The following COL14A1 variants were observed in gnomAD, a reference collection of about 807,000 sequenced individuals.
COL14A1 encodes the protein collagen alpha-1(XIV) chain.
In COL14A1, 136 loss-of-function variants were observed where a neutral mutation model predicts 230.3. The ratio of observed to expected loss-of-function variants is 0.59; its 90% CI spans 0.51 to 0.68. The LOEUF is 0.68. Among genes scored for constraint, COL14A1 ranks in the 30% least tolerant of loss-of-function variants. The probability of loss-of-function intolerance (pLI) is 0.00; values close to 1 mark genes in which losing one functional copy is unlikely to be tolerated. For missense variants in COL14A1, 1,976 were observed against 2,215.8 expected (o/e 0.89, Z 2.17); for synonymous variants, 792 against 784.1 (o/e 1.01, Z -0.17).
At chr8:120,292,453 T>C (rs1198863952) in intron 34 of COL14A1, among the ~76,000 whole-genome samples, 1 of 152,152 alleles carries the variant, frequency 6.6e-6, no homozygotes, top group Admixed American at 6.5e-5. Context: ...AGATTTTCAG[T>C]CTGCCCACTT....
intron 6 of COL14A1, 134 bp from the exon 7 acceptor site, chr8:120,197,677 G>A: frequency 2.5e-6 from 2 of 812,106 alleles, no homozygotes; most frequent in Non-Finnish European, 3.7e-6. Context: ...AAATCTTTTT[G>A]AAAATTTATA....
Position 120,372,199 on chromosome 8 carries a change from GA to G in COL14A1, c.*972del, listed in dbSNP as rs1296360401. Among the ~76,000 whole-genome samples the G allele has an allele frequency of 1.3e-5, 2 of 152,164 alleles. No homozygotes were observed. Among genetic ancestry groups the G allele is most frequent in the Non-Finnish European group, 2.9e-5 (2 of 68,034 alleles). On this transcript the variant is annotated 3_prime_UTR_variant, in exon 48 of 48. Coordinates refer to ENST00000297848, the MANE Select transcript of COL14A1 (RefSeq NM_021110.4). ...TCATTCATTCATTCTGAGTGCAGTA[GA>G]AAACAGAAGAAGCAGTTAACTTGGG...
At chr8:120,296,805 G>A in intron 34 of COL14A1, among the ~76,000 whole-genome samples, 1 of 151,912 alleles carries the variant, frequency 6.6e-6, no homozygotes, top group East Asian at 1.9e-4. Flanking sequence ...CATGATCAAT[G>A]GCTTAAATAA....
intron 19 of COL14A1, among the ~76,000 whole-genome samples, chr8:120,242,859 C>A (rs1329063518): frequency 6.6e-6 from 1 of 152,196 alleles, no homozygotes; most frequent in East Asian, 1.9e-4. Flanking sequence ...TCGAGGCTTT[C>A]TAGGGCTTAT....
chr8:120,213,275 A>G (rs1817662870), intron 13 of COL14A1, among the ~76,000 whole-genome samples: 2 of 152,144 alleles, frequency 1.3e-5, no homozygotes, highest in African/African-American at 4.8e-5. Flanking sequence ...TACTGATAAT[A>G]CTTACCACAT....
intron 1 of COL14A1, among the ~76,000 whole-genome samples, chr8:120,128,626 T>C (rs1461129520): frequency 6.6e-6 from 1 of 152,142 alleles, no homozygotes; most frequent in Non-Finnish European, 1.5e-5. Context: ...TCCTAGATAC[T>C]TGGGAGGCTG....
chr8:120,348,952 C>T (rs917941973), intron 45 of COL14A1, among the ~76,000 whole-genome samples: 40 of 152,146 alleles, frequency 2.6e-4, no homozygotes, highest in Non-Finnish European at 1.0e-4. Context: ...GGTTTCATTA[C>T]CTTAGTTTGA....
At chr8:120,315,655 T>A in intron 39 of COL14A1, 69 bp downstream of exon 39, 1 of 1,298,674 alleles carries the variant, frequency 7.7e-7, no homozygotes, top group South Asian at 1.2e-5. Context: ...AAAAAAGCTG[T>A]AGCTTCTGAA....
intron 5 of COL14A1, among the ~76,000 whole-genome samples, chr8:120,189,992 A>G (rs1462232565): frequency 6.6e-6 from 1 of 150,974 alleles, no homozygotes; most frequent in Non-Finnish European, 1.5e-5. Context: ...TCCTTTGGGT[A>G]TATACCCAGT....
chr8:120,193,805 G>C (rs944935995), intron 5 of COL14A1, among the ~76,000 whole-genome samples: 6 of 152,172 alleles, frequency 3.9e-5, no homozygotes, highest in Admixed American at 2.0e-4. Context: ...ATCTCAGACT[G>C]CTGTGCTAGC....
In COL14A1 at chr8:120,209,890, G is replaced by T; in HGVS notation, c.1456G>T (p.Asp486Tyr). The change falls in exon 12 of 48, where the codon GAT becomes TAT. Residue 486 changes from aspartate (D) to tyrosine (Y), a missense_variant. By Grantham distance (160) the Asp-to-Tyr change is radical. Transcript: ENST00000297848. ...YAPLTEGLAG[D>Y]EKEMKIGETH... is the part of the protein sequence containing the mutation. ...TCCTCTAACAGAGGGCCTGGCTGGG[G>T]ATGAAAAAGAGGTAACCACTTCCTA... 1.2e-6 allele frequency: 2 copies of T among 1,602,734 alleles called. No homozygotes were observed. Among genetic ancestry groups the T allele is most frequent in the South Asian group, 1.1e-5 (1 of 88,596 alleles).
Position 120,285,490 on chromosome 8 carries a change from G to C in COL14A1, c.3968-371G>C, listed in dbSNP as rs1013680348. ...AAAAAAAAAAAAAAAAAAAAAAAGA[G>C]ACAAAGGGCCTGGTTTCTATTCTTT... On this transcript the variant is annotated intron_variant, in intron 32 of 47. Coordinates refer to ENST00000297848, the MANE Select transcript of COL14A1 (RefSeq NM_021110.4). Among the ~76,000 whole-genome samples, 180 of 138,908 alleles carry C rather than the reference G, an allele frequency of 1.3e-3. 1 individual carries two copies. The highest frequency in any genetic ancestry group is 4.6e-3 in the African/African-American group (173 of 37,504). The allele number at this position is 138,908 out of a possible 152,430, so 91.1% of individuals were successfully genotyped here. A position where few individuals can be genotyped will look rare whatever the true frequency, so the allele number is the denominator to read the frequency against.
intron 23 of COL14A1, 36 bp from the exon 24 acceptor site, chr8:120,262,832 T>C: frequency 1.9e-6 from 3 of 1,578,326 alleles, no homozygotes; most frequent in Non-Finnish European, 2.6e-6. Context: ...AAATTTCATA[T>C]GTGTGTGTTT....
In COL14A1 at chr8:120,250,765, A is replaced by T; in HGVS notation, c.2751A>T (p.Thr917=). The change falls in exon 22 of 48, where the codon ACA becomes ACT. Residue 917 remains threonine (T), a splice_region_variant and synonymous_variant. Transcript: ENST00000297848. ...FSDALTGMVK[T]LFLGVTNLQA... ...ACGCCCTGACAGGCATGGTGAAAAC[A>T]TGTAAGAGCCATTTCCGATGGCCTC... The T allele has an allele frequency of 6.2e-7, 1 of 1,613,710 alleles. No homozygotes were observed. The highest frequency in any genetic ancestry group is 1.1e-5 in the South Asian group (1 of 91,036).
At chr8:120,293,088 G>T (rs183967977) in intron 34 of COL14A1, among the ~76,000 whole-genome samples, 1 of 151,828 alleles carries the variant, frequency 6.6e-6, no homozygotes, top group South Asian at 2.1e-4. Flanking sequence ...GCATTTTCTG[G>T]TACCTAATGA....
At chr8:120,325,638 G>A (rs1444103292) in intron 40 of COL14A1, among the ~76,000 whole-genome samples, 7 of 152,056 alleles carry the variant, frequency 4.6e-5, no homozygotes, top group South Asian at 2.1e-4. Context: ...GCTTACAGGC[G>A]TAACGTACCG....
chr8:120,189,575 C>T (rs1231869725), intron 5 of COL14A1, among the ~76,000 whole-genome samples: 8 of 151,370 alleles, frequency 5.3e-5, no homozygotes, highest in Non-Finnish European at 1.2e-4. Context: ...TGCTGCTGTG[C>T]TGCACCCATT....
At chr8:120,326,885 G>T (rs947807834) in intron 40 of COL14A1, among the ~76,000 whole-genome samples, 1 of 152,116 alleles carries the variant, frequency 6.6e-6, no homozygotes, top group African/African-American at 2.4e-5. Context: ...AATTAGCCGG[G>T]TGTGGTGGTG....
At chr8:120,368,569 A>G (rs924551680) in intron 46 of COL14A1, among the ~76,000 whole-genome samples, 1 of 150,574 alleles carries the variant, frequency 6.6e-6, no homozygotes, top group Non-Finnish European at 1.5e-5. Flanking sequence ...CCTTTTCAAC[A>G]CTGTTGGAAC....
Sources: allele counts gnomAD v4.1 joint callset (sites outside exome capture counted in the v4.1 genomes callset), GRCh38; gene constraint gnomAD v4.1.1; transcripts MANE v1.5; gene names NCBI Gene and HGNC (gene_info 2026-07-23, HGNC 2026-07-21).